Variants in FERMT2 observed in about 807,000 individuals in gnomAD.
FERMT2 encodes the protein fermitin family homolog 2.
A neutral mutation model predicts 82.7 loss-of-function variants in FERMT2; 15 were observed. The ratio of observed to expected loss-of-function variants is 0.18; its 90% CI spans 0.12 to 0.28. The LOEUF (loss-of-function observed/expected upper bound fraction) is 0.28, where lower values mean the gene tolerates loss of function less well. Among genes scored for constraint, FERMT2 ranks in the 10% least tolerant of loss-of-function variants. The pLI is 1.00. For synonymous variants in FERMT2, 274 were observed against 271.5 expected, an observed-to-expected ratio of 1.01 and a Z score of -0.09; for missense variants, 645 against 809.4, an observed-to-expected ratio of 0.80 and a Z score of 2.46.
intron 10 of FERMT2, among the ~76,000 whole-genome samples, chr14:52,867,302 A>T (rs1885345626): frequency 6.6e-6 from 1 of 152,064 alleles, no homozygotes; most frequent in South Asian, 2.1e-4. Flanking sequence ...TAAACCACTG[A>T]AGTCTACTTA....
intron 6 of FERMT2, 140 bp downstream of exon 6, chr14:52,880,896 A>G: frequency 3.6e-6 from 2 of 560,056 alleles, no homozygotes; most frequent in Non-Finnish European, 6.2e-6. Flanking sequence ...CCTTTGCCTA[A>G]AAGTTTGGGT....
chr14:52,886,724 A>C (rs1886631936), intron 4 of FERMT2, among the ~76,000 whole-genome samples: 1 of 152,152 alleles, frequency 6.6e-6, no homozygotes, highest in Admixed American at 6.6e-5. Flanking sequence ...CAAATTTTAT[A>C]CCCACTTGTG....
rs1884837686 is a variant in FERMT2, at chr14:52,860,145, A to T, written c.1727+196T>A. ...AGTGCTATTCTCTTAGTAGTAAAAC[A>T]AACACAATTATCTTGAATTTTTAAT... is the stretch of plus-strand genomic sequence containing the variant. On this transcript the variant is annotated intron_variant, in intron 13 of 14. Coordinates refer to ENST00000341590, the MANE Select transcript of FERMT2 (RefSeq NM_006832.3). The T allele has an allele frequency of 1.1e-5, 6 of 543,100 alleles. No individual in the cohort carries two copies. The East Asian group carries it at 2.0e-4, about 18-fold the overall frequency. 33.6% of individuals were successfully genotyped at this position (543,100 alleles called of 1,614,324 possible).
intron 6 of FERMT2, among the ~76,000 whole-genome samples, chr14:52,879,186 T>C (rs902825137): frequency 6.6e-6 from 1 of 152,192 alleles, no homozygotes; most frequent in Non-Finnish European, 1.5e-5. Flanking sequence ...GAAACGGCAG[T>C]TATTTTAAGT....
intron 10 of FERMT2, among the ~76,000 whole-genome samples, chr14:52,865,361 C>T (rs1331003021): frequency 6.6e-6 from 1 of 152,134 alleles, no homozygotes; most frequent in African/African-American, 2.4e-5. Context: ...GAAGGGAGTG[C>T]AGATTTACTG....
chr14:52,935,319 G>C (rs184596239), intron 2 of FERMT2, among the ~76,000 whole-genome samples: 2 of 152,218 alleles, frequency 1.3e-5, no homozygotes, highest in Admixed American at 6.5e-5. Context: ...TTACATTAAG[G>C]CTCCAATGGC....
intron 2 of FERMT2, among the ~76,000 whole-genome samples, chr14:52,923,740 G>A (rs968646535): frequency 2.0e-5 from 3 of 151,784 alleles, no homozygotes; most frequent in Admixed American, 1.3e-4. Context: ...TGGCAACGCT[G>A]GTAAAACTAG....
chr14:52,919,501 T>C (rs776137284), intron 2 of FERMT2, 145 bp from the exon 3 acceptor site: 14 of 626,192 alleles, frequency 2.2e-5, no homozygotes, highest in Non-Finnish European at 3.3e-5. Context: ...AAAAGAAACA[T>C]TAACAGCTGA....
chr14:52,860,576 G>A, intron 12 of FERMT2, 111 bp from the exon 13 acceptor site: 1 of 875,144 alleles, frequency 1.1e-6, no homozygotes, highest in Non-Finnish European at 1.7e-6. Flanking sequence ...AAATCATATT[G>A]TAAGAGTTGA....
At chr14:52,870,238 T>C (rs891658697) in intron 10 of FERMT2, among the ~76,000 whole-genome samples, 1 of 151,232 alleles carries the variant, frequency 6.6e-6, no homozygotes, top group Non-Finnish European at 1.5e-5. Flanking sequence ...AACTGCTCTA[T>C]ACAAGTGTAC....
chr14:52,888,537 T>C (rs1290174776), intron 4 of FERMT2, among the ~76,000 whole-genome samples: 2 of 152,248 alleles, frequency 1.3e-5, no homozygotes, highest in African/African-American at 4.8e-5. Context: ...CAGTAGCTTC[T>C]TGTCTTTTTG....
At chr14:52,929,061 T>TGCC (rs1889443341) in intron 2 of FERMT2, among the ~76,000 whole-genome samples, 1 of 152,170 alleles carries the variant, frequency 6.6e-6, no homozygotes, top group African/African-American at 2.4e-5. Flanking sequence ...TACACCCTAC[T>TGCC]GCCTATCTCA....
At chr14:52,917,433 T>C (rs1439689989) in intron 3 of FERMT2, among the ~76,000 whole-genome samples, 1 of 152,218 alleles carries the variant, frequency 6.6e-6, no homozygotes, top group Non-Finnish European at 1.5e-5. Flanking sequence ...ATTTGTCATT[T>C]GACAAAATGA....
chr14:52,938,413 T>G (rs777163503), intron 2 of FERMT2, among the ~76,000 whole-genome samples: 9 of 152,210 alleles, frequency 5.9e-5, no homozygotes, highest in Non-Finnish European at 1.2e-4. Context: ...GTTAATCCTT[T>G]AAATACCATA....
At chr14:52,921,837 C>A (rs1888972095) in intron 2 of FERMT2, among the ~76,000 whole-genome samples, 1 of 152,054 alleles carries the variant, frequency 6.6e-6, no homozygotes, top group African/African-American at 2.4e-5. Context: ...ACAAATATTT[C>A]AAAATTCAAG....
At chr14:52,916,228 C>G (rs1888604991) in intron 3 of FERMT2, among the ~76,000 whole-genome samples, 1 of 151,868 alleles carries the variant, frequency 6.6e-6, no homozygotes, top group South Asian at 2.1e-4. Context: ...CCTGTAATCC[C>G]AGCTACTTGG....
chr14:52,945,942 T>C (rs1385550689), intron 2 of FERMT2, among the ~76,000 whole-genome samples: 2 of 152,206 alleles, frequency 1.3e-5, no homozygotes, highest in Non-Finnish European at 2.9e-5. Context: ...AGTGGCACTA[T>C]CTCGGCTCAT....
intron 12 of FERMT2, chr14:52,860,882 GTACT>G: frequency 1.4e-6 from 1 of 707,098 alleles, no homozygotes. Flanking sequence ...CAGCTTTAAG[GTACT>G]TGAAATCACC....
intron 7 of FERMT2, among the ~76,000 whole-genome samples, chr14:52,876,467 A>C (rs531846519): frequency 6.6e-6 from 1 of 152,132 alleles, no homozygotes; most frequent in Non-Finnish European, 1.5e-5. Flanking sequence ...TCCAGCCTGG[A>C]ATCTGCATTT....
Sources: allele counts gnomAD v4.1 joint callset (sites outside exome capture counted in the v4.1 genomes callset), GRCh38; gene constraint gnomAD v4.1.1; transcripts MANE v1.5; gene names NCBI Gene and HGNC (gene_info 2026-07-23, HGNC 2026-07-21).